FIBCD1: variants seen among roughly 807,000 people sequenced by gnomAD.
FIBCD1 encodes the protein fibrinogen C domain containing 1.
Under a neutral mutation model 45.1 loss-of-function variants are expected in FIBCD1, and 47 were observed. That is an observed-to-expected ratio of 1.04 (90% CI 0.82 to 1.33). The LOEUF (loss-of-function observed/expected upper bound fraction) is 1.33. Among genes scored for constraint, FIBCD1 ranks in the 40% most tolerant of loss-of-function variants. The pLI, the probability that FIBCD1 is intolerant of heterozygous loss-of-function variation, is 0.00. For synonymous variants in FIBCD1, 313 were observed against 308.1 expected (o/e 1.02, Z -0.17); for missense variants, 653 against 682.2 (o/e 0.96, Z 0.48).
At chr9:130,916,418 G>A (rs1274917398) in intron 4 of FIBCD1, among the ~76,000 whole-genome samples, 3 of 152,324 alleles carry the variant, frequency 2.0e-5, no homozygotes, top group East Asian at 1.9e-4. Context: ...TGCCTGTGCC[G>A]GGCCCTGTGC....
intron 3 of FIBCD1, 78 bp from the exon 4 acceptor site, chr9:130,923,958 A>G (rs1042400741): frequency 1.9e-6 from 3 of 1,596,836 alleles, no homozygotes; most frequent in Non-Finnish European, 2.6e-6. Flanking sequence ...CTGTCTGTCC[A>G]TCGATAATGC....
intron 4 of FIBCD1, among the ~76,000 whole-genome samples, chr9:130,918,919 G>A (rs537140854): frequency 5.3e-5 from 8 of 152,224 alleles, no homozygotes; most frequent in Non-Finnish European, 1.0e-4. Context: ...GTAAACGGAC[G>A]GCGCACAGTA....
upstream of FIBCD1, among the ~76,000 whole-genome samples, chr9:130,939,954 G>T (rs1483433209): frequency 8.4e-5 from 10 of 118,860 alleles, no homozygotes; most frequent in South Asian, 9.4e-4. Context: ...CCCCTCCTCC[G>T]CCCCTTTCTG....
chr9:130,938,934 C>G lies in FIBCD1; in HGVS notation c.-327G>C, dbSNP rs2133133055. The stretch of plus-strand genomic sequence containing the variant: ...TCCCTCCTCCCTCCTTCTCAATCTC[C>G]GCATCTTTTCTGGTCTCGGACTCTC... On this transcript the variant is annotated 5_prime_UTR_variant, in exon 1 of 7. Coordinates refer to ENST00000372338, the MANE Select transcript of FIBCD1 (RefSeq NM_032843.5). 6.6e-6 allele frequency: 1 copy of G among 152,534 alleles called. No individual in the cohort carries two copies. Among genetic ancestry groups the G allele is most frequent in the African/African-American group, 2.4e-5 (1 of 41,526 alleles). 9.4% of individuals were successfully genotyped at this position (152,534 alleles called of 1,614,324 possible). A position where few individuals can be genotyped will look rare whatever the true frequency, so the allele number is the denominator to read the frequency against.
chr9:130,933,541 G>A (rs1832472084), intron 1 of FIBCD1, among the ~76,000 whole-genome samples: 1 of 152,190 alleles, frequency 6.6e-6, no homozygotes, highest in Admixed American at 6.5e-5. Context: ...TTGGTTCCTC[G>A]AGTGACCCCC....
chr9:130,908,045 C>T (rs112727194), intron 5 of FIBCD1, among the ~76,000 whole-genome samples: 1,567 of 151,746 alleles, frequency 0.01, 31 homozygotes, highest in African/African-American at 0.036. Context: ...GAACTGAGTG[C>T]ATAAACATCT....
chr9:130,923,612 C>G, intron 4 of FIBCD1, 132 bp downstream of exon 4: 1 of 1,380,076 alleles, frequency 7.2e-7, no homozygotes, highest in Non-Finnish European at 9.8e-7. Flanking sequence ...CAGAAGGGCA[C>G]CAGGGCAGGG....
intron 4 of FIBCD1, among the ~76,000 whole-genome samples, chr9:130,920,562 G>A (rs1232417936): frequency 6.6e-6 from 1 of 152,144 alleles, no homozygotes; most frequent in African/African-American, 2.4e-5. Flanking sequence ...TGCCCACCCT[G>A]AGCTAACATG....
At chr9:130,909,990 G>A (rs1477622520) in intron 5 of FIBCD1, among the ~76,000 whole-genome samples, 1 of 152,240 alleles carries the variant, frequency 6.6e-6, no homozygotes, top group East Asian at 1.9e-4. Flanking sequence ...CGCTCTCGGC[G>A]CCTCCTCTGC....
intron 4 of FIBCD1, among the ~76,000 whole-genome samples, chr9:130,920,973 G>C (rs997859622): frequency 1.3e-5 from 2 of 152,246 alleles, no homozygotes; most frequent in Admixed American, 6.5e-5. Flanking sequence ...GGGAGGCCTG[G>C]AGGCTGCTGG....
chr9:130,914,354 G>C (rs1832118876), intron 4 of FIBCD1, among the ~76,000 whole-genome samples: 1 of 152,234 alleles, frequency 6.6e-6, no homozygotes, highest in African/African-American at 2.4e-5. Flanking sequence ...GGGGACCTTA[G>C]GGCAAAGGAA....
At position 130,911,874 on chromosome 9, in the gene FIBCD1, C is replaced by G. The variant is rs1832058303; in HGVS notation, c.864G>C (p.Arg288=). 6.9e-6 allele frequency: 11 copies of G among 1,584,402 alleles called. No homozygotes were observed. Among genetic ancestry groups the G allele is most frequent in the Non-Finnish European group, 9.4e-6 (11 of 1,166,660 alleles). The change falls in exon 5 of 7, where the codon CGG becomes CGC. Residue 288 remains arginine, a synonymous_variant. Coordinates refer to ENST00000372338, the MANE Select transcript of FIBCD1 (RefSeq NM_032843.5). ...GGAAGAAGTTCACGGAGCCGTCCTC[C>G]CGGCGCTGAAACACCTGCAAAGGGA... ...DGGGWTVFQR[R]EDGSVNFFRG... is the part of the protein sequence containing the mutation.
At chr9:130,918,737 G>T (rs554256548) in intron 4 of FIBCD1, among the ~76,000 whole-genome samples, 1 of 152,216 alleles carries the variant, frequency 6.6e-6, no homozygotes, top group Non-Finnish European at 1.5e-5. Context: ...TCTGGGCAGT[G>T]CCCCCAGGGA....
chr9:130,936,982 TG>T, intron 1 of FIBCD1, among the ~76,000 whole-genome samples: 1 of 151,990 alleles, frequency 6.6e-6, no homozygotes, highest in Non-Finnish European at 1.5e-5. Flanking sequence ...GGTGTGTGTG[TG>T]TGTGTGTGTG....
At position 130,915,702 on chromosome 9, in the gene FIBCD1, CA is replaced by C. The variant is rs1832147046; in HGVS notation, c.850-3815del. 2.6e-5 allele frequency among the ~76,000 whole-genome samples: 4 copies of C among 151,846 alleles called. No individual in the cohort carries two copies. The South Asian group carries it at 8.3e-4, about 32-fold the overall frequency. ...GAGTGATAAGAGCGAGACTCTGTCT[CA>C]AAAAAATAAAAAAATAAACTGCAGC... On this transcript the variant is annotated intron_variant, in intron 4 of 6. Coordinates refer to ENST00000372338, the MANE Select transcript of FIBCD1 (RefSeq NM_032843.5).
intron 1 of FIBCD1, 123 bp from the exon 2 acceptor site, chr9:130,930,169 C>A: frequency 8.0e-7 from 1 of 1,253,278 alleles, no homozygotes; most frequent in South Asian, 1.6e-5. Flanking sequence ...GGGCGTGGCA[C>A]AGAGACTGAG....
At chr9:130,920,959 C>A (rs758288224) in intron 4 of FIBCD1, among the ~76,000 whole-genome samples, 4 of 152,252 alleles carry the variant, frequency 2.6e-5, no homozygotes, top group Non-Finnish European at 4.4e-5. Context: ...GCGTGTGCCA[C>A]TGTGGGAGGC....
In FIBCD1 at chr9:130,905,215, G is replaced by GC; in HGVS notation, c.1126+18dup. On this transcript the variant is annotated intron_variant, in intron 6 of 6. Coordinates refer to ENST00000372338, the MANE Select transcript of FIBCD1 (RefSeq NM_032843.5). ...CAGGCCGCCCCCCTTCCCCATCCCTGCCACAGCTGGAGCCTCACCTGCAGT... is the reference window on the plus strand; with the variant it reads ...CAGGCCGCCCCCCTTCCCCATCCCTGCCCACAGCTGGAGCCTCACCTGCAGT... 1 of 1,600,990 alleles carries GC rather than the reference G, an allele frequency of 6.2e-7. No homozygotes were observed. Among genetic ancestry groups the GC allele is most frequent in the Non-Finnish European group, 8.5e-7 (1 of 1,170,834 alleles).
At chr9:130,913,123 G>A (rs1023946504) in intron 4 of FIBCD1, among the ~76,000 whole-genome samples, 2 of 152,156 alleles carry the variant, frequency 1.3e-5, no homozygotes, top group Non-Finnish European at 2.9e-5. Flanking sequence ...GAATCCCATC[G>A]GTTAAATTGC....
Sources: allele counts gnomAD v4.1 joint callset (sites outside exome capture counted in the v4.1 genomes callset), GRCh38; gene constraint gnomAD v4.1.1; transcripts MANE v1.5; gene names NCBI Gene and HGNC (gene_info 2026-07-23, HGNC 2026-07-21).